The following CLN8 variants were observed in gnomAD, a reference collection of about 807,000 sequenced individuals.
CLN8 encodes CLN8 transmembrane ER and ERGIC protein.
CLN8 carries 14 observed loss-of-function variants against 15.7 expected under a neutral mutation model. The observed-to-expected ratio is 0.89, with a 90% CI of 0.59 to 1.39. The LOEUF is 1.39. Ranked by LOEUF, CLN8 falls within the 40% of genes most tolerant of loss-of-function variation. CLN8 has a pLI of 0.00. For missense variants in CLN8, 415 were observed against 364.0 expected, an observed-to-expected ratio of 1.14 and a Z score of -1.14; for synonymous variants, 188 against 151.0, an observed-to-expected ratio of 1.25 and a Z score of -1.80.
intron 2 of CLN8, among the ~76,000 whole-genome samples, chr8:1,779,695 C>A (rs1003669002): frequency 1.3e-5 from 2 of 152,202 alleles, no homozygotes; most frequent in African/African-American, 4.8e-5. Context: ...CCAGCAGATT[C>A]ATGTCTGGTG....
rs936640728 is a variant in CLN8 at position 1,786,406 on chromosome 8, T to C, written c.*5839T>C. On this transcript the variant is annotated 3_prime_UTR_variant, in exon 3 of 3. Transcript: ENST00000331222. ...TTCTTTGCTAACTTTCTTCCTATTT[T>C]CTTCTAATGCGAGAGCTTATTAATT... 12 of 152,266 alleles carry C rather than the reference T, an allele frequency of 7.9e-5. No homozygotes were observed. The highest frequency in any genetic ancestry group is 2.7e-4 in the African/African-American group (11 of 41,472). The allele number at this position is 152,266 out of a possible 1,614,324, so 9.4% of individuals were successfully genotyped here. A position where few individuals can be genotyped will look rare whatever the true frequency, so the allele number is the denominator to read the frequency against.
chr8:1,769,627 G>C (rs1198975205), intron 1 of CLN8, among the ~76,000 whole-genome samples: 1 of 152,210 alleles, frequency 6.6e-6, no homozygotes, highest in African/African-American at 2.4e-5. Flanking sequence ...TGTCATCGTT[G>C]TGTGCCTGGG....
At chr8:1,754,303 C>T (rs1293070098), upstream of CLN8, among the ~76,000 whole-genome samples, 1 of 152,202 alleles carries the variant, frequency 6.6e-6, no homozygotes, top group African/African-American at 2.4e-5. Flanking sequence ...TCTTTACCAA[C>T]AACTGTCTTG....
intron 1 of CLN8, among the ~76,000 whole-genome samples, chr8:1,766,526 A>C (rs2130973879): frequency 6.6e-6 from 1 of 151,646 alleles, no homozygotes; most frequent in Admixed American, 6.6e-5. Flanking sequence ...AGTAGCTGGG[A>C]CTACAGGCGC....
chr8:1,770,150 C>T (rs1801241326), intron 1 of CLN8, among the ~76,000 whole-genome samples: 1 of 152,148 alleles, frequency 6.6e-6, no homozygotes, highest in Non-Finnish European at 1.5e-5. Context: ...TTAACCCAGT[C>T]CATGGGTCTC....
upstream of CLN8, chr8:1,758,827 G>C (rs754390314): frequency 1.3e-5 from 2 of 152,130 alleles, no homozygotes; most frequent in Non-Finnish European, 2.9e-5. Context: ...GGAGACCAAG[G>C]TTTTTTATCT....
At chr8:1,772,091 A>G (rs1292776965) in intron 2 of CLN8, among the ~76,000 whole-genome samples, 1 of 151,850 alleles carries the variant, frequency 6.6e-6, no homozygotes, top group Non-Finnish European at 1.5e-5. Flanking sequence ...GCGCACCACC[A>G]CACCTGGCTA....
chr8:1,753,547 G>A (rs1297746405), upstream of CLN8, among the ~76,000 whole-genome samples: 50 of 133,908 alleles, frequency 3.7e-4, no homozygotes, highest in Middle Eastern at 0.01. Flanking sequence ...CTCCAGCCTG[G>A]GTGACAAGAG....
At chr8:1,753,659 G>C (rs1585113908), upstream of CLN8, among the ~76,000 whole-genome samples, 1 of 151,742 alleles carries the variant, frequency 6.6e-6, no homozygotes, top group South Asian at 2.1e-4. Flanking sequence ...GCCGAGGCAG[G>C]CAGATCATGA....
At chr8:1,774,181 C>T (rs530037191) in intron 2 of CLN8, among the ~76,000 whole-genome samples, 2 of 152,232 alleles carry the variant, frequency 1.3e-5, no homozygotes, top group African/African-American at 2.4e-5. Context: ...AGCCCAGCCT[C>T]CAGGAGGACA....
At chr8:1,777,856 A>G (rs1303728536) in intron 2 of CLN8, among the ~76,000 whole-genome samples, 1 of 152,250 alleles carries the variant, frequency 6.6e-6, no homozygotes, top group African/African-American at 2.4e-5. Flanking sequence ...TCAGAGAAGG[A>G]GTACACTCCA....
At chr8:1,766,018 G>A (rs1455381999) in intron 1 of CLN8, among the ~76,000 whole-genome samples, 3 of 152,136 alleles carry the variant, frequency 2.0e-5, no homozygotes, top group South Asian at 2.1e-4. Flanking sequence ...CCCATAAACC[G>A]GAGGAGCGCA....
chr8:1,777,792 C>T (rs561545918), intron 2 of CLN8, among the ~76,000 whole-genome samples: 2 of 152,314 alleles, frequency 1.3e-5, no homozygotes, highest in South Asian at 4.1e-4. Context: ...GTGCCTTCTT[C>T]TGGACCCTCC....
rs1801694272 is a variant in CLN8, at chr8:1,780,832, G to A, written c.*265G>A. 3.7e-6 allele frequency: 2 copies of A among 546,718 alleles called. No homozygotes were observed. Among genetic ancestry groups the A allele is most frequent in the Non-Finnish European group, 6.5e-6 (2 of 307,488 alleles). 33.9% of individuals were successfully genotyped at this position (546,718 alleles called of 1,614,324 possible). On this transcript the variant is annotated 3_prime_UTR_variant, in exon 3 of 3. Coordinates refer to ENST00000331222, the MANE Select transcript of CLN8 (RefSeq NM_018941.4). ...AGCATCTAGGAGAGGAGTCCATGGT[G>A]TCCAGGCATCGGGGCGTCACACCTG... is the stretch of plus-strand genomic sequence containing the variant.
chr8:1,769,001 GTGCC>G (rs1801193387), intron 1 of CLN8, among the ~76,000 whole-genome samples: 1 of 152,198 alleles, frequency 6.6e-6, no homozygotes, highest in African/African-American at 2.4e-5. Context: ...GCACGCCTGT[GTGCC>G]CTGAACTCAC....
At chr8:1,766,424 C>G (rs952385773) in intron 1 of CLN8, among the ~76,000 whole-genome samples, 8 of 138,074 alleles carry the variant, frequency 5.8e-5, no homozygotes, top group Non-Finnish European at 1.1e-4. Flanking sequence ...GAGCCTCACT[C>G]TGTCACCCAG....
chr8:1,767,365 A>G (rs1006254814), intron 1 of CLN8, among the ~76,000 whole-genome samples: 1 of 152,148 alleles, frequency 6.6e-6, no homozygotes, highest in Admixed American at 6.5e-5. Context: ...TTGCCCACTC[A>G]GCTGTGGCTT....
intron 1 of CLN8, 35 bp from the exon 2 acceptor site, chr8:1,770,897 T>G: frequency 1.4e-6 from 1 of 690,518 alleles, no homozygotes; most frequent in Non-Finnish European, 2.6e-6. Context: ...CTTGTTTCTA[T>G]CGAGTCAACA....
In CLN8 at chr8:1,771,040, A is replaced by G; in HGVS notation, c.-15A>G. The G allele has an allele frequency of 3.7e-6, 6 of 1,613,914 alleles. No individual in the cohort carries two copies. Among genetic ancestry groups the G allele is most frequent in the Non-Finnish European group, 5.1e-6 (6 of 1,179,962 alleles). On this transcript the variant is annotated 5_prime_UTR_variant, in exon 2 of 3. Coordinates refer to ENST00000331222, the MANE Select transcript of CLN8 (RefSeq NM_018941.4). Reference sequence around the variant, plus strand: ...GTGTTGGCCCCAGGACTCCTTTGGAATATAGCTGTGGACAATGAATCCTGC... The same window carrying G: ...GTGTTGGCCCCAGGACTCCTTTGGAGTATAGCTGTGGACAATGAATCCTGC...
Sources: allele counts gnomAD v4.1 joint callset (sites outside exome capture counted in the v4.1 genomes callset), GRCh38; gene constraint gnomAD v4.1.1; transcripts MANE v1.5; gene names NCBI Gene and HGNC (gene_info 2026-07-23, HGNC 2026-07-21).